The following NAV2 variants were observed in gnomAD, a reference collection of about 807,000 sequenced individuals.
NAV2 encodes the protein neuron navigator 2, also known as helicase, APC down-regulated 1.
A neutral mutation model predicts 223.2 loss-of-function variants in NAV2; 54 were observed. The observed-to-expected ratio is 0.24, with a 90% CI of 0.19 to 0.30. NAV2 has a LOEUF of 0.30. Among genes scored for constraint, NAV2 ranks in the 10% least tolerant of loss-of-function variants. NAV2 has a pLI of 1.00. For synonymous variants in NAV2, 1,279 were observed against 1,239.3 expected, an observed-to-expected ratio of 1.03 and a Z score of -0.67; for missense variants, 2,806 against 3,147.5, an observed-to-expected ratio of 0.89 and a Z score of 2.60.
chr11:19,946,588 G>A lies in NAV2; in HGVS notation c.2255+79G>A, dbSNP rs2046956907. 5 of 1,230,792 alleles carry A rather than the reference G, an allele frequency of 4.1e-6. No homozygotes were observed. The South Asian group carries it at 4.1e-5, about 10-fold the overall frequency. The allele number at this position is 1,230,792 out of a possible 1,614,324, so 76.2% of individuals were successfully genotyped here. ...TGTGTTTGTTCATAGCAGTAGCAAA[G>A]CGATTTGGTTATAATGGATCATAGC... On this transcript the variant is annotated intron_variant, in intron 9 of 37. Coordinates refer to ENST00000349880, the MANE Select transcript of NAV2 (RefSeq NM_145117.5).
At chr11:19,969,538 G>C (rs947243896) in intron 10 of NAV2, among the ~76,000 whole-genome samples, 1 of 152,086 alleles carries the variant, frequency 6.6e-6, no homozygotes, top group Admixed American at 6.6e-5. Flanking sequence ...GACCCTCGGT[G>C]GATGCCTGAA....
intron 1 of NAV2, among the ~76,000 whole-genome samples, chr11:19,445,775 T>G (rs2133742546): frequency 7.0e-6 from 1 of 142,892 alleles, no homozygotes; most frequent in Non-Finnish European, 1.5e-5. Flanking sequence ...TTTTTTTAAA[T>G]AAGAGAGAAA....
chr11:19,551,958 G>T (rs1301613058), intron 1 of NAV2, among the ~76,000 whole-genome samples: 1 of 150,730 alleles, frequency 6.6e-6, no homozygotes, highest in East Asian at 2.0e-4. Context: ...GAGGACATTA[G>T]CTCCCTGACT....
At chr11:20,107,366 G>C (rs954522511) in intron 35 of NAV2, 1 of 267,150 alleles carries the variant, frequency 3.7e-6, no homozygotes, top group Admixed American at 5.0e-5. Flanking sequence ...GATTATAGGC[G>C]TGAGCCACTG....
intron 1 of NAV2, among the ~76,000 whole-genome samples, chr11:19,530,010 C>G (rs1175982536): frequency 6.6e-6 from 1 of 152,110 alleles, no homozygotes; most frequent in African/African-American, 2.4e-5. Context: ...ATTTGTCTGT[C>G]TCCCTTCCCC....
intron 10 of NAV2, among the ~76,000 whole-genome samples, chr11:19,952,690 C>T (rs761108941): frequency 1.3e-5 from 2 of 152,210 alleles, no homozygotes; most frequent in South Asian, 2.1e-4. Context: ...TGCTGTACTT[C>T]GGCTTGGCAT....
chr11:19,944,254 G>T (rs950400689), intron 8 of NAV2, among the ~76,000 whole-genome samples: 4 of 152,134 alleles, frequency 2.6e-5, no homozygotes, highest in African/African-American at 9.7e-5. Context: ...AAACAAGACT[G>T]CACTGTGTCC....
At chr11:19,412,232 G>C (rs746873549) in intron 1 of NAV2, among the ~76,000 whole-genome samples, 2 of 152,190 alleles carry the variant, frequency 1.3e-5, no homozygotes, top group African/African-American at 2.4e-5. Context: ...CTCAAGCTTG[G>C]TGGGGGGAGG....
chr11:19,772,047 G>A (rs1204848415), intron 1 of NAV2, among the ~76,000 whole-genome samples: 1 of 152,088 alleles, frequency 6.6e-6, no homozygotes, highest in Non-Finnish European at 1.5e-5. Flanking sequence ...TTCTTCTCTA[G>A]GAAGGATTAG....
intron 10 of NAV2, among the ~76,000 whole-genome samples, chr11:19,962,700 G>A (rs1463543648): frequency 6.6e-6 from 1 of 152,184 alleles, no homozygotes; most frequent in Non-Finnish European, 1.5e-5. Context: ...AATAACTGCA[G>A]AGTGAGACAG....
chr11:19,398,579 G>A (rs925812927), intron 1 of NAV2, among the ~76,000 whole-genome samples: 1 of 152,040 alleles, frequency 6.6e-6, no homozygotes, highest in Non-Finnish European at 1.5e-5. Flanking sequence ...GGTCCGCCAA[G>A]CCCCTGCTAT....
intron 10 of NAV2, among the ~76,000 whole-genome samples, chr11:19,950,279 C>T (rs2047272295): frequency 6.6e-6 from 1 of 152,176 alleles, no homozygotes; most frequent in Admixed American, 6.6e-5. Flanking sequence ...GCTAACTCTC[C>T]TATATGCCAA....
At chr11:19,869,801 G>C (rs1211196241) in intron 4 of NAV2, among the ~76,000 whole-genome samples, 4 of 152,200 alleles carry the variant, frequency 2.6e-5, no homozygotes, top group African/African-American at 9.6e-5. Flanking sequence ...AAGGAGGCCT[G>C]TTAGCATGGA....
intron 1 of NAV2, among the ~76,000 whole-genome samples, chr11:19,743,908 C>A (rs1270869034): frequency 6.6e-6 from 1 of 152,186 alleles, no homozygotes; most frequent in Non-Finnish European, 1.5e-5. Flanking sequence ...ATCCTCAGGC[C>A]CTAATGCTAA....
At chr11:19,843,810 C>A (rs536752564) in intron 3 of NAV2, among the ~76,000 whole-genome samples, 29 of 151,194 alleles carry the variant, frequency 1.9e-4, no homozygotes, top group Non-Finnish European at 3.4e-4. Flanking sequence ...ATCCTACCTC[C>A]TTTGAGTAGG....
At chr11:19,905,836 C>A (rs771434711) in intron 6 of NAV2, among the ~76,000 whole-genome samples, 7 of 152,120 alleles carry the variant, frequency 4.6e-5, no homozygotes, top group Non-Finnish European at 1.0e-4. Flanking sequence ...GTAGTGTTTA[C>A]CTCCCCCAGA....
At chr11:19,573,122 C>CT (rs2045471223) in intron 1 of NAV2, among the ~76,000 whole-genome samples, 1 of 152,168 alleles carries the variant, frequency 6.6e-6, no homozygotes, top group Non-Finnish European at 1.5e-5. Context: ...TTGCTGTTTC[C>CT]TTTGCCTAGA....
chr11:19,398,927 G>A (rs191160955), intron 1 of NAV2, among the ~76,000 whole-genome samples: 47 of 152,320 alleles, frequency 3.1e-4, no homozygotes, highest in African/African-American at 1.1e-3. Flanking sequence ...AGTCGCAGCT[G>A]GAGGCTGGCT....
At chr11:19,520,753 G>A (rs1013034275) in intron 1 of NAV2, among the ~76,000 whole-genome samples, 4 of 152,204 alleles carry the variant, frequency 2.6e-5, no homozygotes, top group African/African-American at 9.7e-5. Flanking sequence ...ACTTTGCCAA[G>A]CGAGGGCCCA....
Sources: gnomAD v4.1 joint callset for allele counts (sites outside exome capture counted in the v4.1 genomes callset) on GRCh38, gnomAD v4.1.1 for gene constraint, MANE v1.5 for transcripts, NCBI Gene and HGNC (gene_info 2026-07-23, HGNC 2026-07-21) for gene names.